Variants in EP400 observed in about 807,000 individuals in gnomAD.
The protein encoded by EP400 is E1A binding protein p400.
In EP400, 105 loss-of-function variants were observed where a neutral mutation model predicts 354.1. The observed-to-expected ratio is 0.30, with a 90% CI of 0.25 to 0.35. The LOEUF (loss-of-function observed/expected upper bound fraction) is 0.35. Ranked by LOEUF, EP400 falls within the 10% of genes least tolerant of loss-of-function variation. The probability of loss-of-function intolerance (pLI) is 1.00; values close to 1 mark genes in which losing one functional copy is unlikely to be tolerated. For synonymous variants in EP400, 1,646 were observed against 1,716.9 expected (o/e 0.96, Z 1.02); for missense variants, 3,280 against 4,121.0 (o/e 0.80, Z 5.59).
Position 131,982,383 on chromosome 12 carries a change from C to T in EP400, c.1834C>T (p.Pro612Ser). ...PIPAPPSSQL[P>S]IPPSQPAQLA... The stretch of plus-strand genomic sequence containing the variant: ...CCCTGCACCGCCCAGCAGCCAACTC[C>T]CCATCCCTCCCTCGCAGCCTGCACA... Residue 612 changes from proline to serine, a missense_variant, in exon 5 of 53, where the codon CCC becomes TCC. Transcript: ENST00000389561. The T allele has an allele frequency of 1.2e-6, 2 of 1,614,184 alleles. No individual in the cohort carries two copies. The highest frequency in any genetic ancestry group is 1.7e-6 in the Non-Finnish European group (2 of 1,180,026).
Position 132,027,963 on chromosome 12 carries a change from G to A in EP400, c.5110-54G>A. ...GCTGGGTGGGGGGTTGGTGAAGACA[G>A]GAACTTGTCATTCTGTTTCTCAAGT... On this transcript the variant is annotated intron_variant, in intron 26 of 52. Transcript: ENST00000389561. The surrounding 1 kb of genome is among the most constrained non-coding windows in gnomAD (Gnocchi z 4.9). The A allele has an allele frequency of 6.3e-7, 1 of 1,584,730 alleles. No individual in the cohort carries two copies. The highest frequency in any genetic ancestry group is 8.6e-7 in the Non-Finnish European group (1 of 1,161,478).
At chr12:131,976,136 C>G (rs1447261884) in intron 2 of EP400, among the ~76,000 whole-genome samples, 1 of 152,056 alleles carries the variant, frequency 6.6e-6, no homozygotes. Context: ...AAGATTTCTT[C>G]TTGTCTTTTA....
chr12:132,064,685 G>T lies in EP400; in HGVS notation c.8352G>T (p.Met2784Ile), dbSNP rs762858368. The T allele has an allele frequency of 1.9e-6, 3 of 1,612,564 alleles. No individual in the cohort carries two copies. Among genetic ancestry groups the T allele is most frequent in the Non-Finnish European group, 2.5e-6 (3 of 1,178,886 alleles). The change falls in exon 48 of 53, where the codon ATG becomes ATT. Residue 2784 changes from methionine to isoleucine, a missense_variant. By Grantham distance (10) the Met-to-Ile change is conservative. This residue lies in a region of EP400 where 47 missense variants were observed against 55.6 expected (regional missense o/e 0.85). Transcript: ENST00000389561. ...TATTTTAGGAACACCTCATCAAAAT[G>T]CAGAAGCAGAAACTGCAGATGCCCC... The part of the protein sequence containing the change: ...GKLTPEHLIK[M>I]QKQKLQMPPQ...
chr12:132,062,925 T>C (rs1895756580), intron 47 of EP400, among the ~76,000 whole-genome samples: 1 of 152,196 alleles, frequency 6.6e-6, no homozygotes, highest in Non-Finnish European at 1.5e-5. Context: ...TCAGAGCACT[T>C]TGGAGACATT....
chr12:131,951,091 G>GTTTTTTTTTT (rs1891468539), intron 1 of EP400, among the ~76,000 whole-genome samples: 1 of 134,764 alleles, frequency 7.4e-6, no homozygotes, highest in African/African-American at 2.9e-5. Context: ...TTTTTTTTTG[G>GTTTTTTTTTT]ATTTTTAGTA....
intron 1 of EP400, among the ~76,000 whole-genome samples, chr12:131,950,508 C>T (rs573408677): frequency 3.9e-4 from 60 of 152,278 alleles, no homozygotes; most frequent in African/African-American, 1.4e-3. Flanking sequence ...TGAGGCGCGA[C>T]GGGGCGAATT....
At chr12:131,983,931 C>T (rs1027569790) in intron 5 of EP400, among the ~76,000 whole-genome samples, 16 of 151,062 alleles carry the variant, frequency 1.1e-4, no homozygotes, top group African/African-American at 3.2e-4. Context: ...GACGGAGTTT[C>T]GCTCTTGTTA....
At chr12:132,047,182 T>G (rs1216575587) in intron 39 of EP400, among the ~76,000 whole-genome samples, 1 of 152,160 alleles carries the variant, frequency 6.6e-6, no homozygotes, top group Non-Finnish European at 1.5e-5. Flanking sequence ...ATTTGTTTGT[T>G]TTTTTTGTTA....
In EP400 at chr12:132,025,472, T is replaced by C. The variant is rs955145127; in HGVS notation, c.4856-174T>C. On this transcript the variant is annotated intron_variant, in intron 24 of 52. Coordinates refer to ENST00000389561, the MANE Select transcript of EP400 (RefSeq NM_015409.5). The surrounding 1 kb of genome is among the most constrained non-coding windows in gnomAD (Gnocchi z 4.1). ...TGTCTCTTAGTGTGTCGTCATCCAC[T>C]GTCGGTGATGGGTTGCCACTTTCCT... Among the ~76,000 whole-genome samples, 2 of 152,242 alleles carry C rather than the reference T, an allele frequency of 1.3e-5. No individual in the cohort carries two copies. The highest frequency in any genetic ancestry group is 4.8e-5 in the African/African-American group (2 of 41,452).
chr12:132,064,993 A>G, intron 48 of EP400, 107 bp downstream of exon 48: 1 of 1,474,720 alleles, frequency 6.8e-7, no homozygotes, highest in Non-Finnish European at 9.0e-7. Context: ...AGTGAGTGTG[A>G]GACGGGTTCT....
Position 132,050,543 on chromosome 12 carries a change from C to G in EP400, c.7338-56C>G, listed in dbSNP as rs1479764170. On this transcript the variant is annotated intron_variant, in intron 40 of 52. Transcript: ENST00000389561. The surrounding 1 kb of genome is among the most constrained non-coding windows in gnomAD (Gnocchi z 4.8). ...TGGTTTTGATGTGTTTTTAACATAC[C>G]CTTCTTCAGATATTTCCTTTATTTA... 2 of 1,612,972 alleles carry G rather than the reference C, an allele frequency of 1.2e-6. No homozygotes were observed. Among genetic ancestry groups the G allele is most frequent in the Non-Finnish European group, 1.7e-6 (2 of 1,179,160 alleles).
rs200890790 is a variant in EP400, at chr12:132,028,219, C to T, written c.5312C>T (p.Ser1771Leu). The T allele has an allele frequency of 1.0e-4, 167 of 1,614,074 alleles. No homozygotes were observed. The highest frequency in any genetic ancestry group is 1.4e-4 in the Non-Finnish European group (162 of 1,180,046). The change falls in exon 27 of 53, where the codon TCA becomes TTA. Residue 1771 changes from serine (S) to leucine (L), a missense_variant. Transcript: ENST00000389561. ...CCAGCGCACAGTTACACTTCATCCT[C>T]AGAAAGTCCAAGTGAGCTGATGTTG... is the stretch of plus-strand genomic sequence containing the variant. ...AGPAHSYTSS[S>L]ESPSELMLTL...
In EP400 at chr12:132,070,435, G is replaced by A. The variant is rs543276762; in HGVS notation, c.9021+794G>A. Among the ~76,000 whole-genome samples, 1 of 152,368 alleles carries A rather than the reference G, an allele frequency of 6.6e-6. No individual in the cohort carries two copies. The highest frequency in any genetic ancestry group is 6.5e-5 in the Admixed American group (1 of 15,312). Reference sequence around the variant, plus strand: ...CCTGTGGGGAAGTTCAGGGCTTCTTGTCTCAGAGGCCATGCTGGTCCCACG... The same window carrying A: ...CCTGTGGGGAAGTTCAGGGCTTCTTATCTCAGAGGCCATGCTGGTCCCACG... On this transcript the variant is annotated intron_variant, in intron 51 of 52. Coordinates refer to ENST00000389561, the MANE Select transcript of EP400 (RefSeq NM_015409.5). This position sits in a 1 kb window ranked among gnomAD's most constrained non-coding sequence, Gnocchi z 4.1.
chr12:132,013,832 CAAAG>C lies in EP400; in HGVS notation c.3846_3849del (p.Lys1282AsnfsTer6). 1 of 1,614,208 alleles carries C rather than the reference CAAAG, an allele frequency of 6.2e-7. No homozygotes were observed. Among genetic ancestry groups the C allele is most frequent in the Non-Finnish European group, 8.5e-7 (1 of 1,180,040 alleles). On this transcript the variant is annotated frameshift_variant, in exon 19 of 53. Coordinates refer to ENST00000389561, the MANE Select transcript of EP400 (RefSeq NM_015409.5). LOFTEE classifies it high-confidence loss of function. This position sits in a 1 kb window ranked among gnomAD's most constrained non-coding sequence, Gnocchi z 4.5. ...AAGAGAGATGTGGAAAAGCAACTAACAAAGAAATATGAGCATGTTTTGAAGTGTC... is the reference window on the plus strand; with the variant it reads ...AAGAGAGATGTGGAAAAGCAACTAACAAATATGAGCATGTTTTGAAGTGTC...
At position 131,989,944 on chromosome 12, in the gene EP400, C is replaced by A. The variant is rs749979737; in HGVS notation, c.2410-20C>A. 47 of 1,611,996 alleles carry A rather than the reference C, an allele frequency of 2.9e-5. No homozygotes were observed. Among genetic ancestry groups the A allele is most frequent in the Non-Finnish European group, 3.9e-5 (46 of 1,179,416 alleles). On this transcript the variant is annotated intron_variant, in intron 7 of 52. Coordinates refer to ENST00000389561, the MANE Select transcript of EP400 (RefSeq NM_015409.5). The stretch of plus-strand genomic sequence containing the variant: ...ATGACATAGAGTACAACATACAATT[C>A]TTGCACTTTTATTCACCAGCTCGTT...
rs775153567 is a variant in EP400, at chr12:132,023,886, C to A, written c.4800C>A (p.Thr1600=). ...VTLQFQGSKF[T]LSHSQLRQLT... ...TGCAGTTCCAGGGCAGCAAGTTCAC[C>A]CTGTCACACAGCCAGCTCCGGCAGC... is the stretch of plus-strand genomic sequence containing the variant. Residue 1600 remains threonine, a synonymous_variant, in exon 24 of 53, where the codon ACC becomes ACA. Transcript: ENST00000389561. The A allele has an allele frequency of 6.2e-6, 10 of 1,613,150 alleles. No individual in the cohort carries two copies. In the African/African-American group the frequency reaches 1.1e-4, roughly 17 times the overall value.
At position 132,055,119 on chromosome 12, in the gene EP400, A is replaced by G; in HGVS notation, c.7795A>G (p.Ile2599Val). The G allele has an allele frequency of 6.2e-7, 1 of 1,613,474 alleles. No homozygotes were observed. ...CGCAGGTGCCGTGAGTGGAAATGTG[A>G]TCGTGAACACCATCGCAGGGGTCCC... is the stretch of plus-strand genomic sequence containing the variant. ...MPTGAVSGNV[I>V]VNTIAGVPAA... The change falls in exon 45 of 53, where the codon ATC (isoleucine) becomes GTC (valine). Residue 2599 changes from isoleucine to valine, a missense_variant. This residue lies in a region of EP400 where 255 missense variants were observed against 295.9 expected (regional missense o/e 0.86). Coordinates refer to ENST00000389561, the MANE Select transcript of EP400 (RefSeq NM_015409.5).
Position 132,013,470 on chromosome 12 carries a change from G to T in EP400, c.3612-20G>T, listed in dbSNP as rs978714920. The T allele has an allele frequency of 1.3e-6, 2 of 1,535,696 alleles. No individual in the cohort carries two copies. The highest frequency in any genetic ancestry group is 4.2e-5 in the Admixed American group (2 of 47,442). On this transcript the variant is annotated intron_variant, in intron 17 of 52. Transcript: ENST00000389561. This position sits in a 1 kb window ranked among gnomAD's most constrained non-coding sequence, Gnocchi z 4.5. ...CCCGTGGCTGTAGAACTCCAGTGTTGTCTCTTGTCCTGTTTGCAGCCAACA... is the reference window on the plus strand; with the variant it reads ...CCCGTGGCTGTAGAACTCCAGTGTTTTCTCTTGTCCTGTTTGCAGCCAACA...
chr12:132,043,749 TC>T (rs768551574), intron 34 of EP400, 21 bp downstream of exon 34: 8 of 1,581,098 alleles, frequency 5.1e-6, no homozygotes, highest in Middle Eastern at 1.7e-4. Context: ...CAACTTTTGG[TC>T]AGTGAAAAAA....
Sources: allele counts gnomAD v4.1 joint callset (sites outside exome capture counted in the v4.1 genomes callset), GRCh38; gene constraint gnomAD v4.1.1; regional missense constraint gnomAD v4.1.1; non-coding constraint Gnocchi (gnomAD v3.1); transcripts MANE v1.5; gene names NCBI Gene and HGNC (gene_info 2026-07-23, HGNC 2026-07-21).